The following RFTN1 variants were observed in gnomAD, a reference collection of about 807,000 sequenced individuals.
RFTN1 encodes the protein raftlin, lipid raft linker 1.
In RFTN1, 26 loss-of-function variants were observed where a neutral mutation model predicts 46.5. The ratio of observed to expected loss-of-function variants is 0.56; its 90% CI spans 0.41 to 0.78. The LOEUF is 0.78. Ranked by LOEUF, RFTN1 falls within the 30% of genes least tolerant of loss-of-function variation. The pLI, the probability that RFTN1 is intolerant of heterozygous loss-of-function variation, is 0.00. For missense variants in RFTN1, 693 were observed against 718.7 expected (o/e 0.96, Z 0.41); for synonymous variants, 261 against 284.2 (o/e 0.92, Z 0.82).
intron 6 of RFTN1, among the ~76,000 whole-genome samples, chr3:16,358,649 G>A (rs1337781633): frequency 6.6e-6 from 1 of 152,078 alleles, no homozygotes; most frequent in Non-Finnish European, 1.5e-5. Context: ...TCTAGTCAAT[G>A]TACCAGGTTC....
At chr3:16,482,666 GATTA>G in intron 2 of RFTN1, 1 of 1,134,722 alleles carries the variant, frequency 8.8e-7, no homozygotes, top group Non-Finnish European at 1.3e-6. Flanking sequence ...TCTCTATAAG[GATTA>G]ATTGACACTG....
chr3:16,370,674 A>C lies in RFTN1; in HGVS notation c.827-395T>G, dbSNP rs185654136. ...GGTGAGAATGGTCTTTGGAAAACTA[A>C]ATGTACAGAGACACATAAAAACAAA... On this transcript the variant is annotated intron_variant, in intron 5 of 9. Transcript: ENST00000334133. The surrounding 1 kb of genome is among the most constrained non-coding windows in gnomAD (Gnocchi z 5.5). Among the ~76,000 whole-genome samples, 1 of 152,360 alleles carries C rather than the reference A, an allele frequency of 6.6e-6. No homozygotes were observed. The highest frequency in any genetic ancestry group is 1.9e-4 in the East Asian group (1 of 5,192).
At chr3:16,467,492 C>A (rs1439263375) in intron 2 of RFTN1, among the ~76,000 whole-genome samples, 2 of 152,200 alleles carry the variant, frequency 1.3e-5, no homozygotes, top group Admixed American at 1.3e-4. Flanking sequence ...TCTACTGGAT[C>A]CAGACACTTG....
Position 16,507,824 on chromosome 3 carries a change from TAC to T in RFTN1, c.-9+5616_-9+5617del, listed in dbSNP as rs1032838800. Among the ~76,000 whole-genome samples, 43 of 53,306 alleles carry T rather than the reference TAC, an allele frequency of 8.1e-4. No individual in the cohort carries two copies. The East Asian group carries it at 9.3e-3, about 12-fold the overall frequency. The allele number at this position is 53,306 out of a possible 152,430, so 35.0% of individuals were successfully genotyped here. On this transcript the variant is annotated intron_variant, in intron 1 of 9. Transcript: ENST00000334133. The surrounding 1 kb of genome is among the most constrained non-coding windows in gnomAD (Gnocchi z 7.1). ...ACACAAACGCACATACATACATACA[TAC>T]ACACACACACACATACACACATATA...
At chr3:16,367,575 T>C (rs910044709) in intron 6 of RFTN1, among the ~76,000 whole-genome samples, 1 of 152,176 alleles carries the variant, frequency 6.6e-6, no homozygotes, top group Admixed American at 6.5e-5. Context: ...TGTGGAGGAC[T>C]TCACGGTTGC....
chr3:16,323,964 G>A (rs1405622238), intron 8 of RFTN1, among the ~76,000 whole-genome samples: 2 of 152,182 alleles, frequency 1.3e-5, no homozygotes, highest in African/African-American at 4.8e-5. Context: ...GCCCTGCAAG[G>A]CAGTGCCTGT....
chr3:16,507,582 A>T lies in RFTN1; in HGVS notation c.-9+5860T>A, dbSNP rs1221075757. 6.6e-6 allele frequency among the ~76,000 whole-genome samples: 1 copy of T among 150,736 alleles called. No individual in the cohort carries two copies. Among genetic ancestry groups the T allele is most frequent in the Non-Finnish European group, 1.5e-5 (1 of 67,912 alleles). ...TTCCTCAGGACAAAGGGTAAAAGGCAAAGTAGGGAGTTTCAAAACACACAC... is the reference window on the plus strand; with the variant it reads ...TTCCTCAGGACAAAGGGTAAAAGGCTAAGTAGGGAGTTTCAAAACACACAC... On this transcript the variant is annotated intron_variant, in intron 1 of 9. Transcript: ENST00000334133. The surrounding 1 kb of genome is among the most constrained non-coding windows in gnomAD (Gnocchi z 7.1).
Position 16,413,765 on chromosome 3 carries a change from C to T in RFTN1, c.333-4282G>A, listed in dbSNP as rs1391793474. On this transcript the variant is annotated intron_variant, in intron 3 of 9. Coordinates refer to ENST00000334133, the MANE Select transcript of RFTN1 (RefSeq NM_015150.2). The surrounding 1 kb of genome is among the most constrained non-coding windows in gnomAD (Gnocchi z 4.7). ...ATGACTAATAATAAAATATGCTTCC[C>T]CATCACTCGCCATCCCCAACTTGGT... Among the ~76,000 whole-genome samples the T allele has an allele frequency of 6.6e-6, 1 of 152,142 alleles. No individual in the cohort carries two copies. Among genetic ancestry groups the T allele is most frequent in the Non-Finnish European group, 1.5e-5 (1 of 68,026 alleles).
In RFTN1 at chr3:16,329,381, C is replaced by T. The variant is rs1308077638; in HGVS notation, c.1147-2505G>A. ...AAAGAGGAAACTTAATAAAGGAAGG[C>T]GGAAGGGAGGAGGGAAGGGAGGAAA... On this transcript the variant is annotated intron_variant, in intron 7 of 9. Coordinates refer to ENST00000334133, the MANE Select transcript of RFTN1 (RefSeq NM_015150.2). This position sits in a 1 kb window ranked among gnomAD's most constrained non-coding sequence, Gnocchi z 4.5. Among the ~76,000 whole-genome samples, 6 of 151,972 alleles carry T rather than the reference C, an allele frequency of 3.9e-5. No homozygotes were observed. In the East Asian group the frequency reaches 5.8e-4, roughly 15 times the overall value.
chr3:16,420,322 A>G lies in RFTN1; in HGVS notation c.333-10839T>C, dbSNP rs970211639. Among the ~76,000 whole-genome samples, 4 of 152,358 alleles carry G rather than the reference A, an allele frequency of 2.6e-5. No homozygotes were observed. The East Asian group carries it at 7.7e-4, about 29-fold the overall frequency. On this transcript the variant is annotated intron_variant, in intron 3 of 9. Coordinates refer to ENST00000334133, the MANE Select transcript of RFTN1 (RefSeq NM_015150.2). ...CTCCTTTACATTGACAGATGTAGAA[A>G]GAACTAATATTAGTAGCGATGCATA...
At chr3:16,393,047 T>C (rs978534252) in intron 4 of RFTN1, among the ~76,000 whole-genome samples, 7 of 137,162 alleles carry the variant, frequency 5.1e-5, no homozygotes, top group African/African-American at 2.1e-4. Context: ...TGACCTATTC[T>C]GAGCTCAGCA....
rs1384335138 is a variant in RFTN1, at chr3:16,335,333, G to A, written c.1147-8457C>T. Among the ~76,000 whole-genome samples the A allele has an allele frequency of 6.6e-6, 1 of 152,152 alleles. No homozygotes were observed. The highest frequency in any genetic ancestry group is 1.5e-5 in the Non-Finnish European group (1 of 68,040). ...GAAGATGAACGAAAATGGGCTGAGTGGGAAGGAATCAGCCCTTGGACAATC... is the reference window on the plus strand; with the variant it reads ...GAAGATGAACGAAAATGGGCTGAGTAGGAAGGAATCAGCCCTTGGACAATC... On this transcript the variant is annotated intron_variant, in intron 7 of 9. Coordinates refer to ENST00000334133, the MANE Select transcript of RFTN1 (RefSeq NM_015150.2). This position sits in a 1 kb window ranked among gnomAD's most constrained non-coding sequence, Gnocchi z 4.7.
chr3:16,374,054 A>G lies in RFTN1; in HGVS notation c.826+3664T>C, dbSNP rs1023847917. 6.6e-6 allele frequency among the ~76,000 whole-genome samples: 1 copy of G among 152,246 alleles called. No homozygotes were observed. Among genetic ancestry groups the G allele is most frequent in the African/African-American group, 2.4e-5 (1 of 41,462 alleles). On this transcript the variant is annotated intron_variant, in intron 5 of 9. Coordinates refer to ENST00000334133, the MANE Select transcript of RFTN1 (RefSeq NM_015150.2). This position sits in a 1 kb window ranked among gnomAD's most constrained non-coding sequence, Gnocchi z 5.4. ...CGCTGCTGCGTGCACAACAATCCAC[A>G]GGACTCCACCTGCAAGCATGACAGC...
At chr3:16,396,565 G>A (rs1014476412) in intron 4 of RFTN1, among the ~76,000 whole-genome samples, 1 of 152,194 alleles carries the variant, frequency 6.6e-6, no homozygotes, top group African/African-American at 2.4e-5. Context: ...AGTGAAAAAA[G>A]AGAGGAGGGA....
Position 16,332,298 on chromosome 3 carries a change from C to T in RFTN1, c.1147-5422G>A, listed in dbSNP as rs936421993. On this transcript the variant is annotated intron_variant, in intron 7 of 9. Transcript: ENST00000334133. ...TACCTTCCCCCACAGTTTTCTTACT[C>T]TTTTAATTTTGCTTTCTGAGAGATT... is the stretch of plus-strand genomic sequence containing the variant. Among the ~76,000 whole-genome samples, 4 of 151,956 alleles carry T rather than the reference C, an allele frequency of 2.6e-5. No homozygotes were observed. The South Asian group carries it at 8.3e-4, about 31-fold the overall frequency.
rs2071034746 is a variant in RFTN1, at chr3:16,338,117, G to A, written c.1147-11241C>T. Reference sequence around the variant, plus strand: ...ATTCTCCTGGATTCTGGGACACGCTGGGTGATCTGGTCCTGGTACATGCGG... The same window carrying A: ...ATTCTCCTGGATTCTGGGACACGCTAGGTGATCTGGTCCTGGTACATGCGG... On this transcript the variant is annotated intron_variant, in intron 7 of 9. Coordinates refer to ENST00000334133, the MANE Select transcript of RFTN1 (RefSeq NM_015150.2). The surrounding 1 kb of genome is among the most constrained non-coding windows in gnomAD (Gnocchi z 5.3). Among the ~76,000 whole-genome samples the A allele has an allele frequency of 6.6e-6, 1 of 152,222 alleles. No homozygotes were observed. Among genetic ancestry groups the A allele is most frequent in the Non-Finnish European group, 1.5e-5 (1 of 68,048 alleles).
At chr3:16,437,695 T>G (rs1241150531) in intron 2 of RFTN1, among the ~76,000 whole-genome samples, 1 of 151,988 alleles carries the variant, frequency 6.6e-6, no homozygotes, top group Non-Finnish European at 1.5e-5. Context: ...GGATCGGTGT[T>G]TTTTCCTTTC....
chr3:16,423,865 T>C (rs2075242131), intron 3 of RFTN1, among the ~76,000 whole-genome samples: 1 of 152,208 alleles, frequency 6.6e-6, no homozygotes, highest in Non-Finnish European at 1.5e-5. Flanking sequence ...GACTGCTACC[T>C]TAGCGGACCC....
At chr3:16,360,124 ATTCTCT>A (rs1304394632) in intron 6 of RFTN1, among the ~76,000 whole-genome samples, 7 of 152,016 alleles carry the variant, frequency 4.6e-5, no homozygotes, top group African/African-American at 1.7e-4. Flanking sequence ...CAATTAATTA[ATTCTCT>A]TTATCTTTCC....
Sources: gnomAD v4.1 joint callset for allele counts (sites outside exome capture counted in the v4.1 genomes callset) on GRCh38, gnomAD v4.1.1 for gene constraint, Gnocchi (gnomAD v3.1) non-coding constraint, MANE v1.5 for transcripts, NCBI Gene and HGNC (gene_info 2026-07-23, HGNC 2026-07-21) for gene names.